The following PARN variants were observed in gnomAD, a reference collection of about 807,000 sequenced individuals.
The protein encoded by PARN is poly(A)-specific ribonuclease PARN.
Under a neutral mutation model 102.8 loss-of-function variants are expected in PARN, and 71 were observed. The observed-to-expected ratio is 0.69, with a 90% CI of 0.57 to 0.84. The LOEUF is 0.84. PARN is among the 40% of genes least tolerant of loss of function. The pLI is 0.00. For missense variants in PARN, 782 were observed against 760.9 expected, an observed-to-expected ratio of 1.03 and a Z score of -0.33; for synonymous variants, 261 against 252.9, an observed-to-expected ratio of 1.03 and a Z score of -0.30.
Position 14,539,026 on chromosome 16 carries a change from A to G in PARN, c.1480+12995T>C, listed in dbSNP as rs551054416. 6.6e-5 allele frequency among the ~76,000 whole-genome samples: 10 copies of G among 152,300 alleles called. No homozygotes were observed. In the South Asian group the frequency reaches 8.3e-4, roughly 13 times the overall value. On this transcript the variant is annotated intron_variant, in intron 21 of 23. Coordinates refer to ENST00000437198, the MANE Select transcript of PARN (RefSeq NM_002582.4). ...CAGGAAAACAAGGTCAGGGCTCCCA[A>G]TGATTCTACATTATGGTGAGTTGTA...
At chr16:14,530,553 A>G (rs930773985) in intron 21 of PARN, among the ~76,000 whole-genome samples, 2 of 151,874 alleles carry the variant, frequency 1.3e-5, no homozygotes, top group Non-Finnish European at 2.9e-5. Context: ...TTAAAAAAAA[A>G]AAACTATATT....
chr16:14,614,846 CAAAAAAAAAAAAAA>C lies in PARN; in HGVS notation c.388+2730_388+2743del, dbSNP rs57502376. 2.2e-3 allele frequency among the ~76,000 whole-genome samples: 83 copies of C among 37,664 alleles called. 1 individual carries two copies. Among genetic ancestry groups the C allele is most frequent in the East Asian group, 9.7e-3 (8 of 826 alleles). 24.7% of individuals were successfully genotyped at this position (37,664 alleles called of 152,430 possible). The stretch of plus-strand genomic sequence containing the variant: ...ATGGGAAAGAAGAGCGAAACTGTCT[CAAAAAAAAAAAAAA>C]AAAAAAAAAAAAAAAAAAGAAAAGA... On this transcript the variant is annotated intron_variant, in intron 6 of 23. Coordinates refer to ENST00000437198, the MANE Select transcript of PARN (RefSeq NM_002582.4).
At chr16:14,445,619 T>C (rs1254117086) in intron 23 of PARN, among the ~76,000 whole-genome samples, 1 of 152,214 alleles carries the variant, frequency 6.6e-6, no homozygotes, top group Non-Finnish European at 1.5e-5. Flanking sequence ...TGGAGTGCAG[T>C]GGCGCAATCT....
chr16:14,528,327 T>G (rs2151663866), intron 21 of PARN, among the ~76,000 whole-genome samples: 1 of 152,314 alleles, frequency 6.6e-6, no homozygotes, highest in Non-Finnish European at 1.5e-5. Context: ...AGAGATTAAT[T>G]AGAACGGCAA....
intron 22 of PARN, among the ~76,000 whole-genome samples, chr16:14,477,890 A>T (rs1023705351): frequency 1.3e-5 from 2 of 152,192 alleles, no homozygotes; most frequent in Non-Finnish European, 2.9e-5. Context: ...GAGATGCAAA[A>T]AATATTTAAC....
intron 18 of PARN, among the ~76,000 whole-genome samples, chr16:14,564,764 A>G (rs1968327871): frequency 6.6e-6 from 1 of 152,112 alleles, no homozygotes; most frequent in African/African-American, 2.4e-5. Flanking sequence ...CCTTCCTCCT[A>G]AGAACTCAGT....
At chr16:14,613,064 C>G (rs1037272707) in intron 6 of PARN, among the ~76,000 whole-genome samples, 42 of 152,046 alleles carry the variant, frequency 2.8e-4, no homozygotes, top group African/African-American at 1.0e-3. Context: ...AATCCCAGAA[C>G]TTTGGGAGGC....
chr16:14,603,942 CG>C (rs1971027365), intron 11 of PARN, among the ~76,000 whole-genome samples: 1 of 152,236 alleles, frequency 6.6e-6, no homozygotes, highest in Non-Finnish European at 1.5e-5. Context: ...TCATCAGTGA[CG>C]TCAGACTCAC....
At chr16:14,482,596 C>A in intron 22 of PARN, 42 bp downstream of exon 22, 1 of 1,461,808 alleles carries the variant, frequency 6.8e-7, no homozygotes, top group Non-Finnish European at 9.3e-7. Context: ...AAAGCCATTG[C>A]TAGAACTCTG....
intron 3 of PARN, 106 bp from the exon 4 acceptor site, chr16:14,627,442 C>G: frequency 1.4e-6 from 1 of 722,534 alleles, no homozygotes. Flanking sequence ...GAGACTTCAG[C>G]AGAATACTTC....
intron 5 of PARN, among the ~76,000 whole-genome samples, chr16:14,619,998 A>AGGCAGAG (rs1291773779): frequency 1.4e-5 from 2 of 143,050 alleles, no homozygotes; most frequent in African/African-American, 5.2e-5. Context: ...TGAACCCAGG[A>AGGCAGAG]GGCAGAGGTT....
chr16:14,576,578 G>A (rs189785966), intron 18 of PARN, among the ~76,000 whole-genome samples: 131 of 152,326 alleles, frequency 8.6e-4, no homozygotes, highest in Admixed American at 6.9e-3. Context: ...TTTTAGATCT[G>A]GATTTGACCA....
At chr16:14,447,776 G>A (rs1961265586) in intron 22 of PARN, among the ~76,000 whole-genome samples, 1 of 152,080 alleles carries the variant, frequency 6.6e-6, no homozygotes, top group Admixed American at 6.6e-5. Context: ...TCCTCTAAAT[G>A]GGTCTTAGAG....
chr16:14,561,396 C>T (rs1261443702), intron 18 of PARN, among the ~76,000 whole-genome samples: 1 of 152,176 alleles, frequency 6.6e-6, no homozygotes, highest in Non-Finnish European at 1.5e-5. Flanking sequence ...GACTGAGAAT[C>T]ACCGAGTTAA....
At chr16:14,630,025 A>C (rs1335843829) in intron 1 of PARN, 82 bp downstream of exon 1, 58 of 1,315,658 alleles carry the variant, frequency 4.4e-5, no homozygotes, top group Non-Finnish European at 6.0e-5. Context: ...GGCCCAGCCA[A>C]ACACGCCGGC....
At chr16:14,523,816 G>C (rs886624132) in intron 21 of PARN, among the ~76,000 whole-genome samples, 7 of 152,048 alleles carry the variant, frequency 4.6e-5, no homozygotes, top group Admixed American at 6.6e-5. Flanking sequence ...CCTAAGTATA[G>C]TCACTTGTTG....
In PARN at chr16:14,610,633, T is replaced by A; in HGVS notation, c.554+11A>T. 1 of 1,569,144 alleles carries A rather than the reference T, an allele frequency of 6.4e-7. No individual in the cohort carries two copies. Among genetic ancestry groups the A allele is most frequent in the Non-Finnish European group, 8.8e-7 (1 of 1,139,170 alleles). ...ACACAATGCACGCTTAGTTTTAATT[T>A]AGGAACTTACACCACTTGGTCAATA... On this transcript the variant is annotated intron_variant, in intron 7 of 23. Transcript: ENST00000437198.
At chr16:14,580,136 A>C (rs776964710) in intron 18 of PARN, among the ~76,000 whole-genome samples, 7 of 152,090 alleles carry the variant, frequency 4.6e-5, no homozygotes, top group African/African-American at 1.4e-4. Context: ...CGTGCCGGCT[A>C]ATTTTTTGTA....
At chr16:14,501,449 A>AAAAAAAAAAAAAAAAAAAAAAAAAC (rs1964601031) in intron 21 of PARN, 1 of 127,100 alleles carries the variant, frequency 7.9e-6, no homozygotes, top group Admixed American at 7.6e-5. Context: ...AAAAAAAAAA[A>AAAAAAAAAAAAAAAAAAAAAAAAAC]AAAAAAAAAA....
Sources: gnomAD v4.1 joint callset for allele counts (sites outside exome capture counted in the v4.1 genomes callset) on GRCh38, gnomAD v4.1.1 for gene constraint, MANE v1.5 for transcripts, NCBI Gene and HGNC (gene_info 2026-07-23, HGNC 2026-07-21) for gene names.